The following GRIA3 variants were observed in gnomAD, a reference collection of about 807,000 sequenced individuals.
GRIA3 encodes glutamate receptor 3.
GRIA3 carries 3 observed loss-of-function variants against 63.0 expected under a neutral mutation model. That is an observed-to-expected ratio of 0.05 (90% CI 0.02 to 0.12). The LOEUF (loss-of-function observed/expected upper bound fraction) is 0.12. Ranked by LOEUF, GRIA3 falls within the 10% of genes least tolerant of loss-of-function variation. The pLI is 1.00. For synonymous variants in GRIA3, 274 were observed against 257.9 expected (o/e 1.06, Z -0.60); for missense variants, 347 against 700.9 (o/e 0.50, Z 5.70).
chrX:123,408,006 G>C (rs1333539557), intron 10 of GRIA3, among the ~76,000 whole-genome samples: 3 of 110,801 alleles, frequency 2.7e-5, no homozygotes, highest in African/African-American at 9.9e-5. Context: ...CTGTCAACCA[G>C]GCTAGAGTGC....
At chrX:123,305,340 A>G in intron 3 of GRIA3, among the ~76,000 whole-genome samples, 1 of 111,954 alleles carries the variant, frequency 8.9e-6, no homozygotes, top group East Asian at 2.8e-4. Flanking sequence ...GAACTACCAA[A>G]ATATAGCAAA....
intron 9 of GRIA3, 130 bp downstream of exon 9, chrX:123,403,649 A>T (rs1317633149): frequency 1.9e-6 from 1 of 534,988 alleles, no homozygotes; most frequent in East Asian, 3.5e-5. Context: ...AGCTCAGGAA[A>T]CTCTCAAAGT....
At chrX:123,202,718 T>G in intron 2 of GRIA3, 1 of 1,166,113 alleles carries the variant, frequency 8.6e-7, no homozygotes, top group Non-Finnish European at 1.1e-6. Flanking sequence ...GCAAAGATCA[T>G]GGGCTGCTGC....
At chrX:123,440,444 C>A (rs1434070975) in intron 12 of GRIA3, among the ~76,000 whole-genome samples, 2 of 112,423 alleles carry the variant, frequency 1.8e-5, no homozygotes, top group Non-Finnish European at 3.8e-5. Flanking sequence ...TTCTCTGCAA[C>A]CTCACCAGCA....
At chrX:123,312,249 A>G (rs996831707) in intron 3 of GRIA3, among the ~76,000 whole-genome samples, 1 of 112,325 alleles carries the variant, frequency 8.9e-6, no homozygotes, top group Admixed American at 9.4e-5. Flanking sequence ...TTTGGCATTC[A>G]GCTATAATCC....
intron 5 of GRIA3, among the ~76,000 whole-genome samples, chrX:123,388,237 T>A (rs1054577350): frequency 3.6e-5 from 4 of 111,566 alleles, no homozygotes; most frequent in African/African-American, 1.3e-4. Context: ...TAACAGTCTC[T>A]GATGATCTTT....
chrX:123,418,155 G>C (rs1051045341), intron 11 of GRIA3, among the ~76,000 whole-genome samples: 2 of 111,565 alleles, frequency 1.8e-5, no homozygotes, highest in African/African-American at 6.5e-5. Flanking sequence ...AAAGAGATTG[G>C]ATCCAGACAA....
chrX:123,452,267 A>G (rs376258169), intron 12 of GRIA3, among the ~76,000 whole-genome samples: 2 of 110,626 alleles, frequency 1.8e-5, no homozygotes, highest in Admixed American at 9.6e-5. Flanking sequence ...GTAGCTTCCC[A>G]GGTACATAGT....
At chrX:123,220,122 C>T (rs775750615) in intron 2 of GRIA3, among the ~76,000 whole-genome samples, 1 of 112,344 alleles carries the variant, frequency 8.9e-6, no homozygotes, top group Non-Finnish European at 1.9e-5. Flanking sequence ...TCCTTTACAT[C>T]TGAAAAGCAG....
intron 3 of GRIA3, among the ~76,000 whole-genome samples, chrX:123,289,090 TA>T: frequency 9.0e-6 from 1 of 111,599 alleles, no homozygotes; most frequent in African/African-American, 3.3e-5. Flanking sequence ...TATGCAGCCA[TA>T]AAAAAGAATG....
chrX:123,186,161 T>C (rs73229252), intron 2 of GRIA3, among the ~76,000 whole-genome samples, 171 bp downstream of exon 2: 62 of 111,473 alleles, frequency 5.6e-4, no homozygotes, highest in Non-Finnish European at 1.0e-3. Flanking sequence ...ATGATACTGC[T>C]GAGGGGCTTA....
At chrX:123,370,927 A>G (rs1233036550) in intron 5 of GRIA3, among the ~76,000 whole-genome samples, 2 of 110,920 alleles carry the variant, frequency 1.8e-5, no homozygotes, top group Non-Finnish European at 3.8e-5. Flanking sequence ...TTTAAAATGT[A>G]TAAGTAGGTT....
intron 2 of GRIA3, among the ~76,000 whole-genome samples, chrX:123,201,962 T>C (rs1385318576): frequency 8.9e-6 from 1 of 112,316 alleles, no homozygotes; most frequent in Non-Finnish European, 1.9e-5. Context: ...CTGTAGCACA[T>C]GGTCTTTCTT....
intron 9 of GRIA3, among the ~76,000 whole-genome samples, chrX:123,404,246 T>C (rs2045459149): frequency 9.0e-6 from 1 of 111,043 alleles, no homozygotes; most frequent in South Asian, 3.8e-4. Flanking sequence ...TCTTAAGTAC[T>C]ATACTAGGCC....
intron 13 of GRIA3, among the ~76,000 whole-genome samples, chrX:123,473,175 T>A (rs1302547300): frequency 8.9e-6 from 1 of 111,876 alleles, no homozygotes; most frequent in Non-Finnish European, 1.9e-5. Context: ...AAAATCCTCA[T>A]TTTCCTGGAA....
At chrX:123,312,690 T>C (rs1466999522) in intron 3 of GRIA3, among the ~76,000 whole-genome samples, 1 of 112,274 alleles carries the variant, frequency 8.9e-6, no homozygotes, top group African/African-American at 3.2e-5. Context: ...GAAGAGCCCT[T>C]AAGGAAGTCA....
At chrX:123,204,013 A>G (rs1927815405) in intron 2 of GRIA3, among the ~76,000 whole-genome samples, 1 of 112,348 alleles carries the variant, frequency 8.9e-6, no homozygotes, top group Admixed American at 9.4e-5. Flanking sequence ...TCCACTAAAT[A>G]GATGTTGAGT....
At chrX:123,457,395 C>T (rs1330673611) in intron 12 of GRIA3, among the ~76,000 whole-genome samples, 4 of 111,610 alleles carry the variant, frequency 3.6e-5, no homozygotes, top group African/African-American at 1.3e-4. Context: ...GATGAGCACC[C>T]CAAAGTCAAA....
At position 123,354,979 on chromosome X, in the gene GRIA3, T is replaced by C. The variant is rs1362834070; in HGVS notation, c.750+16T>C. ...CGCTAACCTGGTAAGAACAAGCAAG[T>C]GTCCCTGGGCAATATATCCTATTTA... On this transcript the variant is annotated intron_variant, in intron 5 of 15. Coordinates refer to ENST00000620443, the MANE Select transcript of GRIA3 (RefSeq NM_007325.5). 7 of 1,138,990 alleles carry C rather than the reference T, an allele frequency of 6.1e-6. No homozygotes were observed. The highest frequency in any genetic ancestry group is 8.4e-6 in the Non-Finnish European group (7 of 830,435). 93.9% of individuals were successfully genotyped at this position (1,138,990 alleles called of 1,213,427 possible).
Sources: allele counts gnomAD v4.1 joint callset (sites outside exome capture counted in the v4.1 genomes callset), GRCh38; gene constraint gnomAD v4.1.1; transcripts MANE v1.5; gene names NCBI Gene and HGNC (gene_info 2026-07-23, HGNC 2026-07-21).